ZNF700: variants seen among roughly 807,000 people sequenced by gnomAD.
ZNF700 encodes zinc finger protein 700.
ZNF700 carries 38 observed loss-of-function variants against 65.3 expected under a neutral mutation model. The ratio of observed to expected loss-of-function variants is 0.58; its 90% CI spans 0.45 to 0.76. The LOEUF (loss-of-function observed/expected upper bound fraction) is 0.76. Ranked by LOEUF, ZNF700 falls within the 30% of genes least tolerant of loss-of-function variation. The pLI, the probability that ZNF700 is intolerant of heterozygous loss-of-function variation, is 0.00. For missense variants in ZNF700, 857 were observed against 888.4 expected, an observed-to-expected ratio of 0.96 and a Z score of 0.45; for synonymous variants, 285 against 290.4, an observed-to-expected ratio of 0.98 and a Z score of 0.19.
rs773411597 is a variant in ZNF700, at chr19:11,950,200, CAT to C, written c.2179_2180del (p.Met727GlyfsTer6). On this transcript the variant is annotated frameshift_variant, in exon 4 of 4. Coordinates refer to ENST00000254321, the MANE Select transcript of ZNF700 (RefSeq NM_144566.3). LOFTEE classifies it high-confidence loss of function. The part of the protein sequence containing the change: ...FSSLHIHART[H>X]MGEKPYECKD... ...TTCCTTGCATATACACGCAAGGACT[CAT>C]ATGGGAGAGAAGCCATATGAATGTA... 3.1e-5 allele frequency: 50 copies of C among 1,613,400 alleles called. 1 individual carries two copies. The East Asian group carries it at 5.1e-4, about 17-fold the overall frequency.
At position 11,950,365 on chromosome 19, in the gene ZNF700, A is replaced by G; in HGVS notation, c.*112A>G. 1 of 1,117,316 alleles carries G rather than the reference A, an allele frequency of 9.0e-7. No homozygotes were observed. The highest frequency in any genetic ancestry group is 1.3e-6 in the Non-Finnish European group (1 of 754,542). 69.2% of individuals were successfully genotyped at this position (1,117,316 alleles called of 1,614,324 possible). ...CAGTTCTTTTCGATATCATGAAAGGACTCACACTGGGGAGAAACCCTATCA... is the reference window on the plus strand; with the variant it reads ...CAGTTCTTTTCGATATCATGAAAGGGCTCACACTGGGGAGAAACCCTATCA... On this transcript the variant is annotated 3_prime_UTR_variant, in exon 4 of 4. Coordinates refer to ENST00000254321, the MANE Select transcript of ZNF700 (RefSeq NM_144566.3).
rs763477793 is a variant in ZNF700 at position 11,950,027 on chromosome 19, G to A, written c.2003G>A (p.Arg668Lys). 1.5e-5 allele frequency: 25 copies of A among 1,613,442 alleles called. No homozygotes were observed. The highest frequency in any genetic ancestry group is 2.2e-5 in the East Asian group (1 of 44,886). Residue 668 changes from arginine to lysine, a missense_variant, in exon 4 of 4, where the codon AGG (arginine) becomes AAG (lysine). Around this residue, in one of 3 missense-constraint regions of ZNF700, gnomAD observed 251 missense variants for 250.3 expected, o/e 1.00. Coordinates refer to ENST00000254321, the MANE Select transcript of ZNF700 (RefSeq NM_144566.3). ...TTCTCTTCTTTTCAAATACATGAAA[G>A]GAAGCACAGAGGAGAGAAGCCCTAT... ...CKFSSFQIHE[R>K]KHRGEKPYEC...
rs376218444 is a variant in ZNF700, at chr19:11,925,277, C to T, written c.63+4C>T. The T allele has an allele frequency of 1.9e-6, 3 of 1,611,282 alleles. No homozygotes were observed. The highest frequency in any genetic ancestry group is 2.2e-5 in the East Asian group (1 of 44,764). On this transcript the variant is annotated splice_donor_region_variant and intron_variant, in intron 1 of 3. Coordinates refer to ENST00000254321, the MANE Select transcript of ZNF700 (RefSeq NM_144566.3). ...TACATCTGAAAGCCGGGAAATGGTG[C>T]GTGTGCGGGACCAGATGTCGTGAGA...
At chr19:11,943,856 G>A (rs928775482) in intron 1 of ZNF700, among the ~76,000 whole-genome samples, 4 of 152,160 alleles carry the variant, frequency 2.6e-5, no homozygotes, top group African/African-American at 7.2e-5. Flanking sequence ...TGCTTTGGCC[G>A]CACATAGACC....
intron 1 of ZNF700, among the ~76,000 whole-genome samples, chr19:11,925,853 G>C (rs993893141): frequency 3.3e-5 from 5 of 152,222 alleles, no homozygotes; most frequent in Non-Finnish European, 5.9e-5. Context: ...ACCCCAAGCA[G>C]CCTGGAGTAA....
chr19:11,926,230 A>G (rs748148886), intron 1 of ZNF700, among the ~76,000 whole-genome samples: 13 of 152,312 alleles, frequency 8.5e-5, no homozygotes, highest in Non-Finnish European at 1.3e-4. Context: ...TTCTTGCCAC[A>G]AGCAGTCTGT....
intron 1 of ZNF700, among the ~76,000 whole-genome samples, chr19:11,946,031 C>CT (rs1322243447): frequency 6.6e-6 from 1 of 152,184 alleles, no homozygotes; most frequent in African/African-American, 2.4e-5. Context: ...ACAAGAAACT[C>CT]TATGTCCTTG....
In ZNF700 at chr19:11,927,336, CAG is replaced by C. The variant is rs796854188; in HGVS notation, c.63+2066_63+2067del. ...TACCACTGCACTCCAGTGTGGGTAA[CAG>C]AGTGAGACCCCATCTCAAAAACCAA... On this transcript the variant is annotated intron_variant, in intron 1 of 3. Transcript: ENST00000254321. 4.6e-5 allele frequency among the ~76,000 whole-genome samples: 7 copies of C among 151,952 alleles called. No individual in the cohort carries two copies. The South Asian group carries it at 1.0e-3, about 23-fold the overall frequency.
In ZNF700 at chr19:11,945,325, T is replaced by G. The variant is rs114322569; in HGVS notation, c.64-1856T>G. Among the ~76,000 whole-genome samples, 1,142 of 152,312 alleles carry G rather than the reference T, an allele frequency of 7.5e-3. 13 individuals are homozygous for G. Among genetic ancestry groups the G allele is most frequent in the African/African-American group, 0.027 (1,114 of 41,564 alleles). ...GCTCCTAAGAATTCTCTCACCTGCC[T>G]TCTGGTTTTAGGTTGCAATAGGCTG... On this transcript the variant is annotated intron_variant, in intron 1 of 3. Transcript: ENST00000254321.
rs1460125791 is a variant in ZNF700, at chr19:11,925,147, T to G, written c.-64T>G. 1 of 1,593,872 alleles carries G rather than the reference T, an allele frequency of 6.3e-7. No homozygotes were observed. The highest frequency in any genetic ancestry group is 8.6e-7 in the Non-Finnish European group (1 of 1,166,412). ...TGCGCGGGCGGCGGTTGGTAACCGG[T>G]CAGACCAGCCCGAGAGGGACCTGGT... On this transcript the variant is annotated 5_prime_UTR_variant, in exon 1 of 4. Coordinates refer to ENST00000254321, the MANE Select transcript of ZNF700 (RefSeq NM_144566.3).
rs377359258 is a variant in ZNF700, at chr19:11,928,532, A to G, written c.63+3259A>G. On this transcript the variant is annotated intron_variant, in intron 1 of 3. Transcript: ENST00000254321. Reference sequence around the variant, plus strand: ...CGGATCACGAGGTCAGGAGATCGAGACCATCCCGGCTAAAACGGTGAAACC... The same window carrying G: ...CGGATCACGAGGTCAGGAGATCGAGGCCATCCCGGCTAAAACGGTGAAACC... Among the ~76,000 whole-genome samples, 28 of 151,056 alleles carry G rather than the reference A, an allele frequency of 1.9e-4. No homozygotes were observed. In the East Asian group the frequency reaches 3.9e-3, roughly 21 times the overall value.
At chr19:11,941,665 C>T (rs1972887326) in intron 1 of ZNF700, among the ~76,000 whole-genome samples, 1 of 152,190 alleles carries the variant, frequency 6.6e-6, no homozygotes, top group Non-Finnish European at 1.5e-5. Context: ...CCAGTTCCCG[C>T]TCGCGCCTCT....
intron 1 of ZNF700, among the ~76,000 whole-genome samples, chr19:11,945,977 G>A (rs1467635185): frequency 6.6e-6 from 1 of 152,078 alleles, no homozygotes; most frequent in Non-Finnish European, 1.5e-5. Flanking sequence ...TTGGATAAGG[G>A]GGTGACCGGG....
chr19:11,934,510 TC>T (rs1972760016), intron 1 of ZNF700, among the ~76,000 whole-genome samples: 1 of 148,134 alleles, frequency 6.8e-6, no homozygotes, highest in Admixed American at 6.6e-5. Context: ...TTCTTTTTTT[TC>T]TTTTTTTCTT....
rs2145306492 is a variant in ZNF700 at position 11,950,747 on chromosome 19, A to G, written c.*494A>G. On this transcript the variant is annotated 3_prime_UTR_variant, in exon 4 of 4. Transcript: ENST00000254321. ...ATAAGAAGGTATAATAAAATATCCC[A>G]TTGGTTTTATGTATTAGATCAAGCT... The G allele has an allele frequency of 4.9e-6, 1 of 205,584 alleles. No homozygotes were observed. The highest frequency in any genetic ancestry group is 1.5e-4 in the East Asian group (1 of 6,550). The allele number at this position is 205,584 out of a possible 1,614,324, so 12.7% of individuals were successfully genotyped here.
chr19:11,950,590 G>C lies in ZNF700; in HGVS notation c.*337G>C. ...GCCTCGCACCTTCAACGGCATGGAA[G>C]GGTTCACACTTGGGAGAAACTCTAT... On this transcript the variant is annotated 3_prime_UTR_variant, in exon 4 of 4. Transcript: ENST00000254321. 2 of 499,398 alleles carry C rather than the reference G, an allele frequency of 4.0e-6. No homozygotes were observed. The highest frequency in any genetic ancestry group is 3.8e-5 in the South Asian group (2 of 52,766). 30.9% of individuals were successfully genotyped at this position (499,398 alleles called of 1,614,324 possible). A position where few individuals can be genotyped will look rare whatever the true frequency, so the allele number is the denominator to read the frequency against.
In ZNF700 at chr19:11,950,392, T is replaced by C. The variant is rs1040994386; in HGVS notation, c.*139T>C. 90 of 902,554 alleles carry C rather than the reference T, an allele frequency of 1.0e-4. No homozygotes were observed. Among genetic ancestry groups the C allele is most frequent in the Non-Finnish European group, 1.5e-4 (85 of 561,882 alleles). The allele number at this position is 902,554 out of a possible 1,614,324, so 55.9% of individuals were successfully genotyped here. On this transcript the variant is annotated 3_prime_UTR_variant, in exon 4 of 4. Coordinates refer to ENST00000254321, the MANE Select transcript of ZNF700 (RefSeq NM_144566.3). Reference sequence around the variant, plus strand: ...TCACACTGGGGAGAAACCCTATCAATGTAAGCAGTGTGGGAAAGCCTTCAT... The same window carrying C: ...TCACACTGGGGAGAAACCCTATCAACGTAAGCAGTGTGGGAAAGCCTTCAT...
chr19:11,933,700 G>A (rs1485417200), intron 1 of ZNF700, among the ~76,000 whole-genome samples: 1 of 147,746 alleles, frequency 6.8e-6, no homozygotes, highest in Non-Finnish European at 1.5e-5. Context: ...TTTGTTGCTT[G>A]ACAACTCATG....
In ZNF700 at chr19:11,950,330, T is replaced by C. The variant is rs919569334; in HGVS notation, c.*77T>C. On this transcript the variant is annotated 3_prime_UTR_variant, in exon 4 of 4. Transcript: ENST00000254321. ...GAATGCAAGCAATGTGGCAAAACTT[T>C]CACATTTTCCAGTTCTTTTCGATAT... 4 of 1,458,156 alleles carry C rather than the reference T, an allele frequency of 2.7e-6. No individual in the cohort carries two copies. Among genetic ancestry groups the C allele is most frequent in the East Asian group, 2.3e-5 (1 of 43,982 alleles). The allele number at this position is 1,458,156 out of a possible 1,614,324, so 90.3% of individuals were successfully genotyped here.
Sources: allele counts gnomAD v4.1 joint callset (sites outside exome capture counted in the v4.1 genomes callset), GRCh38; gene constraint gnomAD v4.1.1; regional missense constraint gnomAD v4.1.1; transcripts MANE v1.5; gene names NCBI Gene and HGNC (gene_info 2026-07-23, HGNC 2026-07-21).